The following SLC1A1 variants were observed in gnomAD, a reference collection of about 807,000 sequenced individuals.
SLC1A1 encodes solute carrier family 1 member 1.
In SLC1A1, 43 loss-of-function variants were observed where a neutral mutation model predicts 53.3. The ratio of observed to expected loss-of-function variants is 0.81; its 90% CI spans 0.63 to 1.04. The LOEUF (loss-of-function observed/expected upper bound fraction) is 1.04. Ranked by LOEUF, SLC1A1 falls within the 50% of genes least tolerant of loss-of-function variation. SLC1A1 has a pLI of 0.00. For missense variants in SLC1A1, 748 were observed against 664.9 expected, an observed-to-expected ratio of 1.12 and a Z score of -1.37; for synonymous variants, 307 against 243.2, an observed-to-expected ratio of 1.26 and a Z score of -2.44.
At chr9:4,491,546 C>A (rs1369580989) in intron 1 of SLC1A1, among the ~76,000 whole-genome samples, 1 of 152,230 alleles carries the variant, frequency 6.6e-6, no homozygotes, top group Non-Finnish European at 1.5e-5. Flanking sequence ...TTTAAGTGAT[C>A]CACCCCTCAC....
At chr9:4,580,576 G>C (rs1474328128) in intron 10 of SLC1A1, among the ~76,000 whole-genome samples, 1 of 131,868 alleles carries the variant, frequency 7.6e-6, no homozygotes, top group East Asian at 2.6e-4. Context: ...GTGAGACCTT[G>C]TCTCTGGAAA....
At chr9:4,546,434 A>G (rs1817500010) in intron 2 of SLC1A1, among the ~76,000 whole-genome samples, 1 of 152,104 alleles carries the variant, frequency 6.6e-6, no homozygotes, top group Non-Finnish European at 1.5e-5. Flanking sequence ...CTCTGAAAAA[A>G]AAAAATGAAG....
Position 4,556,272 on chromosome 9 carries a change from G to T in SLC1A1, c.233-5177G>T, listed in dbSNP as rs1006562896. 3.3e-5 allele frequency among the ~76,000 whole-genome samples: 5 copies of T among 152,038 alleles called. No individual in the cohort carries two copies. The highest frequency in any genetic ancestry group is 1.2e-4 in the African/African-American group (5 of 41,408). On this transcript the variant is annotated intron_variant, in intron 2 of 11. Transcript: ENST00000262352. The surrounding 1 kb of genome is among the most constrained non-coding windows in gnomAD (Gnocchi z 4.1). ...TGACCTCAGGTGATCCACCTGCCTG[G>T]GCCTCCCAAAGTGCTGGGATTACCG...
intron 1 of SLC1A1, among the ~76,000 whole-genome samples, chr9:4,503,895 C>A (rs1167329334): frequency 6.8e-6 from 1 of 148,146 alleles, no homozygotes; most frequent in African/African-American, 2.6e-5. Context: ...CCCATTGATC[C>A]CCTAGAAGCC....
chr9:4,572,488 G>C, intron 7 of SLC1A1, 100 bp downstream of exon 7: 1 of 1,035,032 alleles, frequency 9.7e-7, no homozygotes, highest in Non-Finnish European at 1.5e-6. Context: ...GATGAAGCTA[G>C]AGAAGTTGGA....
intron 1 of SLC1A1, among the ~76,000 whole-genome samples, chr9:4,516,175 C>T (rs2130821920): frequency 6.6e-6 from 1 of 152,294 alleles, no homozygotes; most frequent in South Asian, 2.1e-4. Flanking sequence ...ATCATTCTGA[C>T]TTCAGAGCTC....
intron 1 of SLC1A1, among the ~76,000 whole-genome samples, chr9:4,507,199 C>A (rs936244914): frequency 1.3e-5 from 2 of 151,850 alleles, no homozygotes; most frequent in African/African-American, 4.8e-5. Flanking sequence ...GGCGCCACTG[C>A]ACTCCAGCCT....
rs1285439298 is a variant in SLC1A1, at chr9:4,544,553, CTT to C, written c.92-13_92-12del. 2 of 1,612,410 alleles carry C rather than the reference CTT, an allele frequency of 1.2e-6. No homozygotes were observed. Among genetic ancestry groups the C allele is most frequent in the Non-Finnish European group, 1.7e-6 (2 of 1,178,774 alleles). ...ATGTTCCTCTTCCTTCTTTCCAACT[CTT>C]GTTTTCCTTAGGCATTACCACAGGA... On this transcript the variant is annotated splice_polypyrimidine_tract_variant and intron_variant, in intron 1 of 11. Transcript: ENST00000262352.
intron 1 of SLC1A1, among the ~76,000 whole-genome samples, chr9:4,515,616 T>G (rs201038337): frequency 6.8e-5 from 4 of 58,932 alleles, no homozygotes; most frequent in African/African-American, 2.8e-4. Flanking sequence ...ACATCAACAA[T>G]GTCAAAGGTG....
intron 2 of SLC1A1, among the ~76,000 whole-genome samples, chr9:4,558,571 T>C (rs1268741385): frequency 6.6e-6 from 1 of 152,214 alleles, no homozygotes; most frequent in Admixed American, 6.5e-5. Flanking sequence ...CTCATTATTA[T>C]CAAGCCTTTT....
At chr9:4,522,967 G>A (rs1039516709) in intron 1 of SLC1A1, among the ~76,000 whole-genome samples, 5 of 152,198 alleles carry the variant, frequency 3.3e-5, no homozygotes, top group African/African-American at 1.2e-4. Context: ...ACTGGATGAA[G>A]AAACACAATC....
intron 1 of SLC1A1, among the ~76,000 whole-genome samples, chr9:4,517,840 C>G (rs1815911662): frequency 2.6e-5 from 4 of 152,134 alleles, no homozygotes; most frequent in South Asian, 4.1e-4. Context: ...GGGCCTGCTT[C>G]CCTCACTTCT....
At chr9:4,522,472 C>T (rs757410662) in intron 1 of SLC1A1, among the ~76,000 whole-genome samples, 2 of 152,266 alleles carry the variant, frequency 1.3e-5, no homozygotes, top group South Asian at 4.1e-4. Flanking sequence ...GCCTAATGTC[C>T]GTGTGAGTCA....
chr9:4,530,857 A>C (rs1816441441), intron 1 of SLC1A1, among the ~76,000 whole-genome samples: 1 of 152,206 alleles, frequency 6.6e-6, no homozygotes, highest in South Asian at 2.1e-4. Context: ...TGTTTACTGT[A>C]CTTTCTTACC....
intron 1 of SLC1A1, among the ~76,000 whole-genome samples, chr9:4,501,888 C>T (rs1820643879): frequency 6.6e-6 from 1 of 151,786 alleles, no homozygotes; most frequent in African/African-American, 2.4e-5. Flanking sequence ...TGTTCTATTG[C>T]TTAAGAGTTA....
intron 10 of SLC1A1, among the ~76,000 whole-genome samples, chr9:4,580,851 G>A (rs1156708168): frequency 6.6e-6 from 1 of 152,136 alleles, no homozygotes. Flanking sequence ...AACTGCTGTT[G>A]TTGCAGAAGT....
chr9:4,497,283 G>A (rs995054339), intron 1 of SLC1A1, among the ~76,000 whole-genome samples: 2 of 152,146 alleles, frequency 1.3e-5, no homozygotes, highest in Non-Finnish European at 1.5e-5. Context: ...CAAGGTCGAG[G>A]GCAGAGCCGG....
intron 6 of SLC1A1, among the ~76,000 whole-genome samples, chr9:4,568,915 A>G (rs1377205518): frequency 6.6e-6 from 1 of 152,128 alleles, no homozygotes; most frequent in Non-Finnish European, 1.5e-5. Flanking sequence ...CACATACAAC[A>G]ATGTTATATA....
chr9:4,566,113 T>C (rs763619233), intron 5 of SLC1A1, 24 bp downstream of exon 5: 6 of 1,594,362 alleles, frequency 3.8e-6, no homozygotes, highest in Non-Finnish European at 5.2e-6. Flanking sequence ...CTTGTGCCCT[T>C]AACTTGCTAC....
Sources: gnomAD v4.1 joint callset for allele counts (sites outside exome capture counted in the v4.1 genomes callset) on GRCh38, gnomAD v4.1.1 for gene constraint, Gnocchi (gnomAD v3.1) non-coding constraint, MANE v1.5 for transcripts, NCBI Gene and HGNC (gene_info 2026-07-23, HGNC 2026-07-21) for gene names.